The following UTP18 variants were observed in gnomAD, a reference collection of about 807,000 sequenced individuals.
UTP18 encodes the protein U3 small nucleolar RNA-associated protein 18 homolog.
Under a neutral mutation model 61.1 loss-of-function variants are expected in UTP18, and 36 were observed. The observed-to-expected ratio is 0.59, with a 90% CI of 0.45 to 0.78. The LOEUF is 0.78. Ranked by LOEUF, UTP18 falls within the 30% of genes least tolerant of loss-of-function variation. The probability of loss-of-function intolerance (pLI) is 0.00; values close to 1 mark genes in which losing one functional copy is unlikely to be tolerated. For synonymous variants in UTP18, 282 were observed against 251.1 expected (o/e 1.12, Z -1.16); for missense variants, 753 against 693.9 (o/e 1.09, Z -0.96).
chr17:51,274,226 C>G (rs924334700), intron 5 of UTP18, among the ~76,000 whole-genome samples: 4 of 152,144 alleles, frequency 2.6e-5, no homozygotes, highest in Non-Finnish European at 5.9e-5. Context: ...CTCATTCTTA[C>G]CTTTCTGCTC....
chr17:51,263,672 T>C (rs1380099092), intron 2 of UTP18, among the ~76,000 whole-genome samples: 1 of 152,222 alleles, frequency 6.6e-6, no homozygotes, highest in Non-Finnish European at 1.5e-5. Context: ...GGCCAGTTTC[T>C]AATTGACCAT....
intron 11 of UTP18, among the ~76,000 whole-genome samples, chr17:51,291,131 C>T (rs1056209140): frequency 2.0e-5 from 3 of 152,322 alleles, no homozygotes; most frequent in East Asian, 1.9e-4. Context: ...CGGTGGCTCA[C>T]GCCTGTAATC....
In UTP18 at chr17:51,260,583, C is replaced by T. The variant is rs749340207; in HGVS notation, c.-2C>T. On this transcript the variant is annotated 5_prime_UTR_variant, in exon 1 of 14. In the 5' UTR this introduces an upstream ATG that the reference lacks. Transcript: ENST00000225298. ...CGCCTGCGTTTCTCCTCAAACCTAA[C>T]GATGCCGCCGGAGCGGAGGAGACGA... is the stretch of plus-strand genomic sequence containing the variant. 9 of 1,611,356 alleles carry T rather than the reference C, an allele frequency of 5.6e-6. No homozygotes were observed. In the East Asian group the frequency reaches 1.3e-4, roughly 24 times the overall value.
At chr17:51,277,058 T>G in intron 6 of UTP18, 72 bp from the exon 7 acceptor site, 2 of 1,479,656 alleles carry the variant, frequency 1.4e-6, no homozygotes. Flanking sequence ...ACACTTGTAG[T>G]GAAAAGTATA....
chr17:51,273,325 A>T (rs773987660), intron 4 of UTP18, 37 bp from the exon 5 acceptor site: 3 of 1,536,490 alleles, frequency 2.0e-6, no homozygotes. Context: ...CAGCTCATTG[A>T]TTCTAAAGAT....
At chr17:51,279,202 CCCTGTCTT>C (rs1567702676) in intron 7 of UTP18, among the ~76,000 whole-genome samples, 1 of 152,202 alleles carries the variant, frequency 6.6e-6, no homozygotes, top group Non-Finnish European at 1.5e-5. Context: ...TGCTCTGTCT[CCCTGTCTT>C]CCTGCTTTCC....
At chr17:51,273,126 A>G (rs1391653267) in intron 4 of UTP18, among the ~76,000 whole-genome samples, 1 of 151,986 alleles carries the variant, frequency 6.6e-6, no homozygotes, top group African/African-American at 2.4e-5. Context: ...TTCTAGAGTT[A>G]AACTTTGATT....
At chr17:51,288,267 G>GT in intron 11 of UTP18, 64 bp downstream of exon 11, 1 of 1,425,604 alleles carries the variant, frequency 7.0e-7, no homozygotes, top group Non-Finnish European at 9.4e-7. Context: ...ACATGCAAGA[G>GT]TAACAGGAAA....
intron 7 of UTP18, among the ~76,000 whole-genome samples, chr17:51,277,899 A>C (rs1904783625): frequency 6.6e-6 from 1 of 152,180 alleles, no homozygotes; most frequent in Non-Finnish European, 1.5e-5. Flanking sequence ...ACCTTCATGC[A>C]TCCTTTGGGA....
chr17:51,293,941 A>C lies in UTP18; in HGVS notation c.1542A>C (p.Pro514=). 3.1e-6 allele frequency: 5 copies of C among 1,603,906 alleles called. No homozygotes were observed. The highest frequency in any genetic ancestry group is 3.4e-6 in the Non-Finnish European group (4 of 1,175,070). Reference sequence around the variant, plus strand: ...CCTGTACAGTATTTTCAAACTTCCCAGTCATTAAAAATAAGAATATTTCTC... The same window carrying C: ...CCTGTACAGTATTTTCAAACTTCCCCGTCATTAAAAATAAGAATATTTCTC... ...LPSCTVFSNF[P]VIKNKNISHV... The change falls in exon 12 of 14, where the codon CCA becomes CCC. Residue 514 remains proline, a synonymous_variant. Transcript: ENST00000225298.
At chr17:51,261,903 C>T (rs553399860) in intron 1 of UTP18, among the ~76,000 whole-genome samples, 67 of 152,218 alleles carry the variant, frequency 4.4e-4, no homozygotes, top group African/African-American at 1.5e-3. Context: ...AGAACTATTA[C>T]TGGAAACATG....
At chr17:51,288,267 G>C in intron 11 of UTP18, 64 bp downstream of exon 11, 1 of 1,425,604 alleles carries the variant, frequency 7.0e-7, no homozygotes, top group Non-Finnish European at 9.4e-7. Context: ...ACATGCAAGA[G>C]TAACAGGAAA....
At chr17:51,287,652 CT>C (rs1224675871) in intron 10 of UTP18, among the ~76,000 whole-genome samples, 1 of 152,102 alleles carries the variant, frequency 6.6e-6, no homozygotes, top group Non-Finnish European at 1.5e-5. Context: ...ACTAAAGGCA[CT>C]GATTTGGATG....
chr17:51,262,828 A>G (rs2055520676), intron 1 of UTP18, among the ~76,000 whole-genome samples: 1 of 152,174 alleles, frequency 6.6e-6, no homozygotes, highest in South Asian at 2.1e-4. Flanking sequence ...TTGGGATTAC[A>G]GGCATGAGGC....
intron 11 of UTP18, among the ~76,000 whole-genome samples, chr17:51,292,000 A>T (rs1032468134): frequency 1.3e-5 from 2 of 152,150 alleles, no homozygotes; most frequent in East Asian, 3.9e-4. Context: ...GATGCTTTGG[A>T]TCATCTGTTC....
At chr17:51,288,244 AT>A in intron 11 of UTP18, 41 bp downstream of exon 11, 1 of 1,512,612 alleles carries the variant, frequency 6.6e-7, no homozygotes, top group Non-Finnish European at 8.8e-7. Context: ...TATTTTTTAA[AT>A]TTAAGTTGAA....
At chr17:51,286,395 C>G (rs1304928906) in intron 10 of UTP18, 1 of 439,262 alleles carries the variant, frequency 2.3e-6, no homozygotes, top group Non-Finnish European at 4.6e-6. Flanking sequence ...TGATTTCAGT[C>G]AAATCCTCCC....
intron 1 of UTP18, 64 bp from the exon 2 acceptor site, chr17:51,263,210 C>A: frequency 1.5e-6 from 2 of 1,346,290 alleles, no homozygotes; most frequent in Non-Finnish European, 2.1e-6. Flanking sequence ...GGCTGTAAGG[C>A]CTATGTGTCT....
At chr17:51,276,081 A>C (rs1413941838) in intron 6 of UTP18, 90 bp downstream of exon 6, 1 of 1,294,380 alleles carries the variant, frequency 7.7e-7, no homozygotes, top group Non-Finnish European at 1.0e-6. Flanking sequence ...AAATACTGAA[A>C]AAGATATTCA....
Sources: allele counts gnomAD v4.1 joint callset (sites outside exome capture counted in the v4.1 genomes callset), GRCh38; gene constraint gnomAD v4.1.1; transcripts MANE v1.5; gene names NCBI Gene and HGNC (gene_info 2026-07-23, HGNC 2026-07-21).